The following HS1BP3 variants were observed in gnomAD, a reference collection of about 807,000 sequenced individuals.
HS1BP3 encodes HCLS1-binding protein 3.
Under a neutral mutation model 33.5 loss-of-function variants are expected in HS1BP3, and 32 were observed. That is an observed-to-expected ratio of 0.95 (90% CI 0.72 to 1.28). HS1BP3 has a LOEUF of 1.28. Ranked by LOEUF, HS1BP3 falls within the 50% of genes most tolerant of loss-of-function variation. The probability of loss-of-function intolerance (pLI) is 0.00; values close to 1 mark genes in which losing one functional copy is unlikely to be tolerated. For missense variants in HS1BP3, 486 were observed against 502.3 expected (o/e 0.97, Z 0.31); for synonymous variants, 187 against 209.2 (o/e 0.89, Z 0.92).
intron 4 of HS1BP3, among the ~76,000 whole-genome samples, chr2:20,628,328 G>A (rs1378804066): frequency 2.0e-5 from 3 of 152,166 alleles, no homozygotes; most frequent in Non-Finnish European, 4.4e-5. Context: ...GGTGGCTTAT[G>A]CCTGTAATCC....
At chr2:20,613,733 G>A (rs1270998191), downstream of HS1BP3, among the ~76,000 whole-genome samples, 3 of 152,338 alleles carry the variant, frequency 2.0e-5, no homozygotes, top group East Asian at 5.8e-4. Context: ...GCTTCCTCCT[G>A]ACACGTCCCC....
downstream of HS1BP3, among the ~76,000 whole-genome samples, chr2:20,588,126 A>G (rs1211443703): frequency 1.5e-5 from 2 of 130,648 alleles, no homozygotes; most frequent in Admixed American, 1.5e-4. Context: ...CAAGATGTTA[A>G]AAAAAAAAAA....
intron 6 of HS1BP3, among the ~76,000 whole-genome samples, chr2:20,621,006 G>C (rs1694581423): frequency 6.6e-6 from 1 of 152,252 alleles, no homozygotes; most frequent in Non-Finnish European, 1.5e-5. Context: ...CTTTTCAGAA[G>C]GGTGAGCCTG....
intron 5 of HS1BP3, among the ~76,000 whole-genome samples, chr2:20,582,332 A>G (rs28488411): frequency 0.042 from 6,444 of 151,930 alleles, 436 homozygotes; most frequent in African/African-American, 0.14. Context: ...CTAGAAGGAG[A>G]GCTGACATGG....
At chr2:20,604,122 A>C (rs1461210166) in intron 2 of HS1BP3, among the ~76,000 whole-genome samples, 2 of 152,210 alleles carry the variant, frequency 1.3e-5, no homozygotes, top group Non-Finnish European at 2.9e-5. Context: ...TAAATATTTA[A>C]ATAACAATTC....
chr2:20,585,591 CTT>C (rs1393621962), intron 5 of HS1BP3, among the ~76,000 whole-genome samples: 1 of 152,204 alleles, frequency 6.6e-6, no homozygotes, highest in Non-Finnish European at 1.5e-5. Context: ...TTCAAAGCCT[CTT>C]TGCTTTGCCA....
intron 6 of HS1BP3, among the ~76,000 whole-genome samples, chr2:20,620,489 C>T (rs1273875764): frequency 2.0e-5 from 3 of 152,190 alleles, no homozygotes; most frequent in African/African-American, 4.8e-5. Context: ...ACCTGTAGCA[C>T]CCACTTGGTC....
intron 6 of HS1BP3, among the ~76,000 whole-genome samples, chr2:20,619,600 T>G (rs1259028605): frequency 6.6e-6 from 1 of 152,326 alleles, no homozygotes; most frequent in South Asian, 2.1e-4. Flanking sequence ...CCAGCTACTA[T>G]GTACAGAGTT....
At chr2:20,579,169 C>T (rs1278265035) in intron 5 of HS1BP3, among the ~76,000 whole-genome samples, 1 of 152,256 alleles carries the variant, frequency 6.6e-6, no homozygotes, top group Non-Finnish European at 1.5e-5. Context: ...CAGACACGTG[C>T]TGTGTCCAGA....
At chr2:20,650,085 T>C (rs1036872676) in intron 1 of HS1BP3, among the ~76,000 whole-genome samples, 6 of 152,272 alleles carry the variant, frequency 3.9e-5, no homozygotes, top group African/African-American at 1.4e-4. Flanking sequence ...TAACCACACT[T>C]GATCATGAAA....
intron 5 of HS1BP3, among the ~76,000 whole-genome samples, chr2:20,574,150 T>G (rs1215021405): frequency 1.3e-5 from 2 of 152,146 alleles, no homozygotes; most frequent in African/African-American, 4.8e-5. Context: ...GACTTCTGAG[T>G]GCATCACAGT....
chr2:20,603,831 C>T (rs1694119002), intron 2 of HS1BP3, among the ~76,000 whole-genome samples: 1 of 152,254 alleles, frequency 6.6e-6, no homozygotes, highest in African/African-American at 2.4e-5. Context: ...CCAGGTCCTA[C>T]ATGGCCCTCC....
intron 5 of HS1BP3, among the ~76,000 whole-genome samples, chr2:20,561,450 A>G (rs1012267046): frequency 6.6e-6 from 1 of 152,180 alleles, no homozygotes; most frequent in African/African-American, 2.4e-5. Context: ...CTCAACAGAT[A>G]TTTATTGAGC....
intron 5 of HS1BP3, chr2:20,586,381 A>T (rs551623923): frequency 6.6e-6 from 1 of 152,318 alleles, no homozygotes; most frequent in African/African-American, 2.4e-5. Context: ...CCACCCAGAG[A>T]TCATCTCAGT....
chr2:20,639,692 C>A (rs1043267247), intron 3 of HS1BP3, among the ~76,000 whole-genome samples: 1 of 152,254 alleles, frequency 6.6e-6, no homozygotes, highest in African/African-American at 2.4e-5. Context: ...TTAAACATCA[C>A]AAAAGCCCTA....
chr2:20,587,794 T>G (rs867905071), downstream of HS1BP3, among the ~76,000 whole-genome samples: 1 of 152,172 alleles, frequency 6.6e-6, no homozygotes, highest in Non-Finnish European at 1.5e-5. Flanking sequence ...ATCAGACCAC[T>G]GTGACAGGCA....
At chr2:20,635,373 G>A (rs940418325) in intron 4 of HS1BP3, 1 of 152,134 alleles carries the variant, frequency 6.6e-6, no homozygotes, top group Admixed American at 6.6e-5. Context: ...GAAGGACCTA[G>A]AACATGTAAG....
At chr2:20,558,643 A>G (rs1031566015), downstream of HS1BP3, among the ~76,000 whole-genome samples, 9 of 151,534 alleles carry the variant, frequency 5.9e-5, no homozygotes, top group African/African-American at 2.2e-4. Flanking sequence ...AGGCAAACCC[A>G]CATGGACAGA....
At chr2:20,631,484 T>C (rs1320154637) in intron 4 of HS1BP3, among the ~76,000 whole-genome samples, 1 of 116,556 alleles carries the variant, frequency 8.6e-6, no homozygotes. Context: ...ACCACTATAC[T>C]CCAGCCTAGG....
Sources: gnomAD v4.1 joint callset for allele counts (sites outside exome capture counted in the v4.1 genomes callset) on GRCh38, gnomAD v4.1.1 for gene constraint, MANE v1.5 for transcripts, NCBI Gene and HGNC (gene_info 2026-07-23, HGNC 2026-07-21) for gene names.